Variants in DOCK1 observed in about 807,000 individuals in gnomAD.
DOCK1 encodes dedicator of cytokinesis 1.
A neutral mutation model predicts 262.7 loss-of-function variants in DOCK1; 138 were observed. The observed-to-expected ratio is 0.53, with a 90% CI of 0.46 to 0.61. The LOEUF is 0.61. Ranked by LOEUF, DOCK1 falls within the 20% of genes least tolerant of loss-of-function variation. The pLI, the probability that DOCK1 is intolerant of heterozygous loss-of-function variation, is 0.00. For missense variants in DOCK1, 1,908 were observed against 2,370.7 expected, an observed-to-expected ratio of 0.80 and a Z score of 4.05; for synonymous variants, 866 against 867.4, an observed-to-expected ratio of 1.00 and a Z score of 0.03.
intron 29 of DOCK1, among the ~76,000 whole-genome samples, chr10:127,328,008 G>A (rs1235915267): frequency 1.3e-5 from 2 of 151,486 alleles, no homozygotes; most frequent in Non-Finnish European, 2.9e-5. Context: ...CCTGGCTTGA[G>A]TGAAACTAAA....
intron 10 of DOCK1, among the ~76,000 whole-genome samples, chr10:127,003,048 C>T (rs996718397): frequency 1.3e-5 from 2 of 152,202 alleles, no homozygotes; most frequent in Admixed American, 6.5e-5. Flanking sequence ...CTGTGTGAAC[C>T]TCTATAAACC....
rs777790044 is a variant in DOCK1 at position 126,992,769 on chromosome 10, GACACAGACACACAC to G, written c.473+2186_473+2199del. 5.8e-4 allele frequency among the ~76,000 whole-genome samples: 76 copies of G among 130,488 alleles called. No homozygotes were observed. In the Middle Eastern group the frequency reaches 0.013, roughly 22 times the overall value. The allele number at this position is 130,488 out of a possible 152,430, so 85.6% of individuals were successfully genotyped here. A position where few individuals can be genotyped will look rare whatever the true frequency, so the allele number is the denominator to read the frequency against. On this transcript the variant is annotated intron_variant, in intron 6 of 51. Coordinates refer to ENST00000623213, the MANE Select transcript of DOCK1 (RefSeq NM_001290223.2). The stretch of plus-strand genomic sequence containing the variant: ...ACACACACACACACACACACAGACA[GACACAGACACACAC>G]ACACAGACACACACACACACACAGT...
chr10:126,989,117 T>C (rs903128391), intron 5 of DOCK1, among the ~76,000 whole-genome samples: 1 of 151,426 alleles, frequency 6.6e-6, no homozygotes, highest in Non-Finnish European at 1.5e-5. Flanking sequence ...ATTGTAGATA[T>C]TAGCAAAATA....
intron 27 of DOCK1, among the ~76,000 whole-genome samples, chr10:127,198,922 A>G (rs2057335107): frequency 6.6e-6 from 1 of 152,044 alleles, no homozygotes; most frequent in Non-Finnish European, 1.5e-5. Context: ...AGCAAGCATC[A>G]TGCTGGGGGC....
At chr10:127,042,750 A>G (rs970639972) in intron 20 of DOCK1, 36 bp downstream of exon 20, 1 of 1,599,408 alleles carries the variant, frequency 6.3e-7, no homozygotes. Flanking sequence ...CTTGGATAAC[A>G]CAGCGTTCTT....
At chr10:127,014,143 T>C (rs1169985015) in intron 12 of DOCK1, among the ~76,000 whole-genome samples, 1 of 152,062 alleles carries the variant, frequency 6.6e-6, no homozygotes, top group Non-Finnish European at 1.5e-5. Context: ...TATGCCAACA[T>C]GTTTCCTCTT....
At chr10:127,165,721 TG>T (rs2054014225) in intron 27 of DOCK1, among the ~76,000 whole-genome samples, 2 of 152,284 alleles carry the variant, frequency 1.3e-5, no homozygotes, top group South Asian at 2.1e-4. Context: ...GCCTGTGAAC[TG>T]GGTTCCCAGG....
chr10:127,270,991 ATGTGTGTATGTGTG>A (rs1482334383), intron 29 of DOCK1, among the ~76,000 whole-genome samples: 7 of 111,700 alleles, frequency 6.3e-5, no homozygotes, highest in African/African-American at 2.0e-4. Context: ...AAAGTTATAT[ATGTGTGTATGTGTG>A]TGTGTGTGTG....
chr10:127,102,414 C>G lies in DOCK1; in HGVS notation c.2446-3817C>G, dbSNP rs549836676. 1.3e-4 allele frequency among the ~76,000 whole-genome samples: 20 copies of G among 152,350 alleles called. 1 individual carries two copies. In the East Asian group the frequency reaches 3.9e-3, roughly 29 times the overall value. On this transcript the variant is annotated intron_variant, in intron 23 of 51. Transcript: ENST00000623213. ...CGTCATAGATGAGGCAACATGAACT[C>G]ACTTGAAATGACTTGACCTGTGCAC...
At chr10:127,156,346 T>C (rs1351263580) in intron 27 of DOCK1, among the ~76,000 whole-genome samples, 2 of 152,112 alleles carry the variant, frequency 1.3e-5, no homozygotes, top group Non-Finnish European at 2.9e-5. Flanking sequence ...CTTGCTTGTA[T>C]GCTGGGGCTG....
intron 33 of DOCK1, among the ~76,000 whole-genome samples, chr10:127,369,990 G>T (rs1266810319): frequency 2.0e-5 from 3 of 152,142 alleles, no homozygotes; most frequent in African/African-American, 7.2e-5. Context: ...TCTCTCTGCT[G>T]AACCTTGCCT....
intron 25 of DOCK1, among the ~76,000 whole-genome samples, chr10:127,111,319 G>A (rs2048849474): frequency 6.6e-6 from 1 of 152,154 alleles, no homozygotes; most frequent in South Asian, 2.1e-4. Context: ...CTTCATTTAG[G>A]TGAGAGTGTT....
intron 23 of DOCK1, among the ~76,000 whole-genome samples, chr10:127,069,504 T>C (rs2046080286): frequency 6.6e-6 from 1 of 152,182 alleles, no homozygotes; most frequent in Admixed American, 6.5e-5. Context: ...ATAAAATATT[T>C]TCACCTTCTT....
At chr10:127,003,229 T>C (rs1318984475) in intron 10 of DOCK1, among the ~76,000 whole-genome samples, 1 of 151,940 alleles carries the variant, frequency 6.6e-6, no homozygotes, top group Non-Finnish European at 1.5e-5. Context: ...TGTGAACCTT[T>C]ATGAACCTGT....
In DOCK1 at chr10:127,446,396, C is replaced by T. The variant is rs1294547587; in HGVS notation, c.5414-998C>T. On this transcript the variant is annotated intron_variant, in intron 50 of 51. Transcript: ENST00000623213. This position sits in a 1 kb window ranked among gnomAD's most constrained non-coding sequence, Gnocchi z 4.4. The stretch of plus-strand genomic sequence containing the variant: ...AGAAATACATCATGGTGATGGTTAT[C>T]CCCCACGGTCGATGTGATTAATGCC... 7.2e-5 allele frequency among the ~76,000 whole-genome samples: 11 copies of T among 152,044 alleles called. No individual in the cohort carries two copies. The highest frequency in any genetic ancestry group is 7.2e-4 in the Admixed American group (11 of 15,266).
At chr10:126,948,601 C>T (rs988452300) in intron 1 of DOCK1, among the ~76,000 whole-genome samples, 2 of 151,896 alleles carry the variant, frequency 1.3e-5, no homozygotes, top group Admixed American at 1.3e-4. Context: ...CAAAATGCTC[C>T]AGGCCACAGA....
intron 23 of DOCK1, among the ~76,000 whole-genome samples, chr10:127,103,150 G>A (rs7923977): frequency 0.16 from 23,884 of 152,026 alleles, 2,209 homozygotes; most frequent in African/African-American, 0.26. Context: ...TTACTGCGTC[G>A]AGTTCCATTG....
chr10:127,310,067 G>A (rs1286603199), intron 29 of DOCK1, among the ~76,000 whole-genome samples: 1 of 152,020 alleles, frequency 6.6e-6, no homozygotes, highest in African/African-American at 2.4e-5. Context: ...TAGAGACAGG[G>A]TTTCACCATG....
At chr10:126,941,566 C>A (rs982413499) in intron 1 of DOCK1, among the ~76,000 whole-genome samples, 12 of 152,144 alleles carry the variant, frequency 7.9e-5, no homozygotes, top group Non-Finnish European at 8.8e-5. Flanking sequence ...ACCATCCTGG[C>A]TAACACGGTG....
Sources: gnomAD v4.1 joint callset for allele counts (sites outside exome capture counted in the v4.1 genomes callset) on GRCh38, gnomAD v4.1.1 for gene constraint, Gnocchi (gnomAD v3.1) non-coding constraint, MANE v1.5 for transcripts, NCBI Gene and HGNC (gene_info 2026-07-23, HGNC 2026-07-21) for gene names.